EIF5B: variants seen among roughly 807,000 people sequenced by gnomAD.
EIF5B encodes the protein eIF-5B.
A neutral mutation model predicts 147.5 loss-of-function variants in EIF5B; 47 were observed. The ratio of observed to expected loss-of-function variants is 0.32; its 90% CI spans 0.25 to 0.41. The LOEUF is 0.41. EIF5B is among the 10% of genes least tolerant of loss of function. EIF5B has a pLI of 1.00. For missense variants in EIF5B, 1,064 were observed against 1,413.2 expected (o/e 0.75, Z 3.96); for synonymous variants, 455 against 456.2 (o/e 1.00, Z 0.03).
intron 1 of EIF5B, among the ~76,000 whole-genome samples, chr2:99,340,115 C>T (rs2094256566): frequency 6.6e-6 from 1 of 152,208 alleles, no homozygotes; most frequent in Non-Finnish European, 1.5e-5. Flanking sequence ...AAATCCTGAG[C>T]TTTAGCAGAG....
Position 99,400,972 on chromosome 2 carries a change from A to T in EIF5B, c.*1558A>T. The T allele has an allele frequency of 4.5e-6, 1 of 222,558 alleles. No individual in the cohort carries two copies. The highest frequency in any genetic ancestry group is 9.7e-5 in the South Asian group (1 of 10,358). The allele number at this position is 222,558 out of a possible 1,614,324, so 13.8% of individuals were successfully genotyped here. A position where few individuals can be genotyped will look rare whatever the true frequency, so the allele number is the denominator to read the frequency against. On this transcript the variant is annotated 3_prime_UTR_variant, in exon 24 of 24. Transcript: ENST00000289371. ...ATATACATACAGTTCTTTATTAAAC[A>T]ACTGTAAACACTTCACTGTAAAAAT...
rs186368468 is a variant in EIF5B at position 99,363,489 on chromosome 2, A to G, written c.920-156A>G. 6.2e-3 allele frequency among the ~76,000 whole-genome samples: 947 copies of G among 152,306 alleles called. 7 individuals are homozygous for G. Among genetic ancestry groups the G allele is most frequent in the African/African-American group, 0.021 (867 of 41,578 alleles). On this transcript the variant is annotated intron_variant, in intron 4 of 23. Transcript: ENST00000289371. ...TTATTCTGAGCTATTCTAGTTACCA[A>G]AGTGCTCAGGATGCCTTGATGCCTG...
intron 1 of EIF5B, among the ~76,000 whole-genome samples, chr2:99,353,273 A>G (rs1163213612): frequency 6.6e-6 from 1 of 152,000 alleles, no homozygotes; most frequent in Non-Finnish European, 1.5e-5. Flanking sequence ...TCGGCCTCCC[A>G]AAGTGCTGGG....
chr2:99,384,202 A>AAAAAAAAAAAT (rs1674752493), intron 14 of EIF5B, among the ~76,000 whole-genome samples: 1 of 150,998 alleles, frequency 6.6e-6, no homozygotes, highest in African/African-American at 2.4e-5. Context: ...GTCTCAAAAA[A>AAAAAAAAAAAT]AAAAAGAATT....
intron 17 of EIF5B, among the ~76,000 whole-genome samples, chr2:99,391,895 C>CT (rs2104249860): frequency 6.6e-6 from 1 of 151,922 alleles, no homozygotes; most frequent in South Asian, 2.1e-4. Context: ...CCACACCTGG[C>CT]TAATTTGTTT....
Position 99,361,572 on chromosome 2 carries a change from A to G in EIF5B, c.671A>G (p.Lys224Arg), listed in dbSNP as rs969270420. 6 of 1,611,110 alleles carry G rather than the reference A, an allele frequency of 3.7e-6. No homozygotes were observed. In the South Asian group the frequency reaches 4.4e-5, roughly 12 times the overall value. ...AATGAAGATGATGACGCCTCCTTCA[A>G]AATTAAGACAGTGGCCCAAAAGAAG... is the stretch of plus-strand genomic sequence containing the variant. Reference protein sequence around the residue: ...SGNEDDDASFKIKTVAQKKAE... With the variant: ...SGNEDDDASFRIKTVAQKKAE... The change falls in exon 4 of 24, where the codon AAA becomes AGA. Residue 224 changes from lysine to arginine, a missense_variant. Coordinates refer to ENST00000289371, the MANE Select transcript of EIF5B (RefSeq NM_015904.4).
chr2:99,399,103 A>G, intron 23 of EIF5B, 194 bp downstream of exon 23: 1 of 805,620 alleles, frequency 1.2e-6, no homozygotes, highest in Admixed American at 2.9e-5. Context: ...GCACCAACAG[A>G]GAAAGCTAGG....
chr2:99,400,990 G>A lies in EIF5B; in HGVS notation c.*1576G>A, dbSNP rs961557189. The stretch of plus-strand genomic sequence containing the variant: ...ATTAAACAACTGTAAACACTTCACT[G>A]TAAAAATCCATAAAACTTTATAAAC... On this transcript the variant is annotated 3_prime_UTR_variant, in exon 24 of 24. Coordinates refer to ENST00000289371, the MANE Select transcript of EIF5B (RefSeq NM_015904.4). 1 of 275,266 alleles carries A rather than the reference G, an allele frequency of 3.6e-6. No homozygotes were observed. Among genetic ancestry groups the A allele is most frequent in the South Asian group, 6.5e-5 (1 of 15,276 alleles). The allele number at this position is 275,266 out of a possible 1,614,324, so 17.1% of individuals were successfully genotyped here. A position where few individuals can be genotyped will look rare whatever the true frequency, so the allele number is the denominator to read the frequency against.
At chr2:99,362,845 T>G (rs1257833470) in intron 4 of EIF5B, among the ~76,000 whole-genome samples, 1 of 151,838 alleles carries the variant, frequency 6.6e-6, no homozygotes, top group Admixed American at 6.6e-5. Context: ...TGCAACCTCC[T>G]CTTTACAGGT....
intron 1 of EIF5B, among the ~76,000 whole-genome samples, chr2:99,351,822 TGAG>T (rs1673973725): frequency 6.6e-6 from 1 of 152,082 alleles, no homozygotes; most frequent in Admixed American, 6.5e-5. Context: ...CTCAGCCTCC[TGAG>T]TACCTAGGAT....
At position 99,379,019 on chromosome 2, in the gene EIF5B, A is replaced by G. The variant is rs1280934671; in HGVS notation, c.1843A>G (p.Lys615Glu). The part of the protein sequence containing the change: ...AYDKAKRRIE[K>E]RRLEHSKNVN... ...GATTTTTTTTTTTTTTTATTTCTAG[A>G]AACGGCGACTTGAACATAGTAAAAA... Residue 615 changes from lysine (K) to glutamate (E), a missense_variant and splice_region_variant, in exon 11 of 24, where the codon AAA becomes GAA. By Grantham distance (56) the Lys-to-Glu change is moderately conservative. This residue lies in a region of EIF5B where 195 missense variants were observed against 186.3 expected (regional missense o/e 1.05). Coordinates refer to ENST00000289371, the MANE Select transcript of EIF5B (RefSeq NM_015904.4). 7.9e-6 allele frequency: 12 copies of G among 1,518,748 alleles called. No homozygotes were observed. The highest frequency in any genetic ancestry group is 1.4e-5 in the African/African-American group (1 of 70,902). The allele number at this position is 1,518,748 out of a possible 1,614,324, so 94.1% of individuals were successfully genotyped here.
chr2:99,375,323 C>G (rs1390365989), intron 9 of EIF5B, among the ~76,000 whole-genome samples: 1 of 152,126 alleles, frequency 6.6e-6, no homozygotes, highest in Non-Finnish European at 1.5e-5. Context: ...GTGTTACTTC[C>G]ACAAGGTACC....
At position 99,361,226 on chromosome 2, in the gene EIF5B, G is replaced by A. The variant is rs1337510989; in HGVS notation, c.325G>A (p.Asp109Asn). The change falls in exon 4 of 24, where the codon GAT becomes AAT. Residue 109 changes from aspartate (D) to asparagine (N), a missense_variant. Transcript: ENST00000289371. The part of the protein sequence containing the change: ...KGQKGKKQSF[D>N]DNDSEELEDK... ...ACAGAAGGGCAAAAAACAGAGTTTT[G>A]ATGATAATGATAGCGAAGAATTGGA... 3 of 1,607,960 alleles carry A rather than the reference G, an allele frequency of 1.9e-6. No individual in the cohort carries two copies. The highest frequency in any genetic ancestry group is 1.7e-5 in the Admixed American group (1 of 58,820).
chr2:99,354,796 C>CTTTTTTTT (rs57735386), intron 1 of EIF5B, among the ~76,000 whole-genome samples: 1 of 80,034 alleles, frequency 1.2e-5, no homozygotes, highest in South Asian at 4.7e-4. Context: ...ATTGGTTGTA[C>CTTTTTTTT]TTTTTTTTTT....
Position 99,369,282 on chromosome 2 carries a change from A to T in EIF5B, c.1388-110A>T, listed in dbSNP as rs574125507. The T allele has an allele frequency of 3.6e-5, 27 of 751,610 alleles. 1 individual carries two copies. The South Asian group carries it at 5.7e-4, about 16-fold the overall frequency. The allele number at this position is 751,610 out of a possible 1,614,324, so 46.6% of individuals were successfully genotyped here. ...GAGCGAGACTCCATTTCAAAAAAAT[A>T]AAAAATAAATAGGTTTACACTACTG... On this transcript the variant is annotated intron_variant, in intron 7 of 23. Transcript: ENST00000289371.
rs113945203 is a variant in EIF5B, at chr2:99,345,787, A to T, written c.35+8198A>T. The stretch of plus-strand genomic sequence containing the variant: ...TGGGGAGACCCCATCTCTACCCCCT[A>T]AAAAAAATAGCTGAGTGTGGTGGTG... On this transcript the variant is annotated intron_variant, in intron 1 of 23. Transcript: ENST00000289371. 1.0e-2 allele frequency among the ~76,000 whole-genome samples: 1,506 copies of T among 151,054 alleles called. 27 individuals carry two copies. The highest frequency in any genetic ancestry group is 0.034 in the African/African-American group (1,406 of 41,078).
In EIF5B at chr2:99,400,314, A is replaced by G. The variant is rs1675201735; in HGVS notation, c.*900A>G. On this transcript the variant is annotated 3_prime_UTR_variant, in exon 24 of 24. Transcript: ENST00000289371. ...CTGTTTTGTCCTAGAAAATTCCATC[A>G]TACACACATTTCCTGATATTTGGGC... 6.6e-6 allele frequency: 1 copy of G among 152,016 alleles called. No homozygotes were observed. The highest frequency in any genetic ancestry group is 1.5e-5 in the Non-Finnish European group (1 of 67,988). 9.4% of individuals were successfully genotyped at this position (152,016 alleles called of 1,614,324 possible). A position where few individuals can be genotyped will look rare whatever the true frequency, so the allele number is the denominator to read the frequency against.
intron 9 of EIF5B, among the ~76,000 whole-genome samples, chr2:99,373,535 C>T (rs1674498389): frequency 6.6e-6 from 1 of 152,146 alleles, no homozygotes; most frequent in Non-Finnish European, 1.5e-5. Flanking sequence ...TTCCCCACCA[C>T]CCTCCTACCT....
At chr2:99,370,416 T>C (rs561928826) in intron 8 of EIF5B, among the ~76,000 whole-genome samples, 12 of 152,352 alleles carry the variant, frequency 7.9e-5, no homozygotes, top group Admixed American at 6.5e-4. Context: ...CTGATTTACA[T>C]TGGTGAATTA....
Sources: allele counts gnomAD v4.1 joint callset (sites outside exome capture counted in the v4.1 genomes callset), GRCh38; gene constraint gnomAD v4.1.1; regional missense constraint gnomAD v4.1.1; transcripts MANE v1.5; gene names NCBI Gene and HGNC (gene_info 2026-07-23, HGNC 2026-07-21).